DYNC2I1: variants seen among roughly 807,000 people sequenced by gnomAD.
DYNC2I1 encodes the protein dynein 2 intermediate chain 1.
Under a neutral mutation model 133.4 loss-of-function variants are expected in DYNC2I1, and 89 were observed. That is an observed-to-expected ratio of 0.67 (90% confidence interval 0.56 to 0.80). DYNC2I1 has a LOEUF of 0.80. Ranked by LOEUF, DYNC2I1 falls within the 30% of genes least tolerant of loss-of-function variation. The pLI is 0.00. For synonymous variants in DYNC2I1, 504 were observed against 484.3 expected (o/e 1.04, Z -0.54); for missense variants, 1,291 against 1,314.5 (o/e 0.98, Z 0.28).
chr7:158,940,897 A>G (rs796831699), intron 23 of DYNC2I1, among the ~76,000 whole-genome samples: 4 of 152,226 alleles, frequency 2.6e-5, no homozygotes, highest in African/African-American at 9.6e-5. Flanking sequence ...ACTTCAAATA[A>G]ACAATGTAAC....
At chr7:158,904,851 T>G (rs894255944) in intron 10 of DYNC2I1, 1 of 233,482 alleles carries the variant, frequency 4.3e-6, no homozygotes, top group Non-Finnish European at 8.5e-6. Flanking sequence ...CCACACCCTC[T>G]GCATTGCTGG....
At chr7:158,850,310 C>A in the DYNC2I1 span, among the ~76,000 whole-genome samples, 2 of 152,210 alleles carry the variant, frequency 1.3e-5, no homozygotes, top group Non-Finnish European at 2.9e-5. Flanking sequence ...AGTTGCACGT[C>A]CAGCTGCTGC....
intron 10 of DYNC2I1, chr7:158,904,760 C>A (rs1846589781): frequency 6.1e-6 from 1 of 163,362 alleles, no homozygotes; most frequent in East Asian, 1.8e-4. Flanking sequence ...GATGAGGTAA[C>A]CTCCCATGGT....
At chr7:158,856,465 G>C, upstream of DYNC2I1, 1 of 378,086 alleles carries the variant, frequency 2.6e-6, no homozygotes, top group Non-Finnish European at 4.7e-6. Context: ...GGCGCATTGG[G>C]AGGGGCCGCG....
intron 11 of DYNC2I1, among the ~76,000 whole-genome samples, chr7:158,910,751 G>C (rs1847358218): frequency 6.6e-6 from 1 of 151,604 alleles, no homozygotes; most frequent in Non-Finnish European, 1.5e-5. Flanking sequence ...GGCTGTGTCA[G>C]ACCTGTGGGT....
chr7:158,954,197 C>T (rs778977948), intron 4 of DYNC2I1, among the ~76,000 whole-genome samples: 13 of 152,142 alleles, frequency 8.5e-5, no homozygotes, highest in Non-Finnish European at 1.9e-4. Flanking sequence ...GAGGCCTCCC[C>T]AGCCATGTGG....
chr7:158,944,591 C>T (rs922350113), intron 24 of DYNC2I1, among the ~76,000 whole-genome samples: 3 of 152,158 alleles, frequency 2.0e-5, no homozygotes, highest in Non-Finnish European at 4.4e-5. Context: ...TGGGGTGTCA[C>T]GAGGCTTCAT....
intron 5 of DYNC2I1, among the ~76,000 whole-genome samples, chr7:158,882,920 A>G (rs1844191123): frequency 6.6e-6 from 1 of 151,826 alleles, no homozygotes; most frequent in Non-Finnish European, 1.5e-5. Flanking sequence ...TACACGATAC[A>G]ATATCAGGAA....
At chr7:158,946,742 C>A (rs1320274322), downstream of DYNC2I1, among the ~76,000 whole-genome samples, 3 of 152,256 alleles carry the variant, frequency 2.0e-5, no homozygotes, top group East Asian at 5.8e-4. Flanking sequence ...AGGAAAATCC[C>A]AGAATGTGTC....
At position 158,879,707 on chromosome 7, in the gene DYNC2I1, C is replaced by T; in HGVS notation, c.597C>T (p.Asp199=). ...AGCTGCAGTACGGAGACAGCAAGGA[C>T]AACCCTCTCAAGTACTGGCTTTATA... ...ERKLQYGDSK[D]NPLKYWLYKE... The change falls in exon 5 of 25, where the codon GAC becomes GAT. Residue 199 remains aspartate, a synonymous_variant. Coordinates refer to ENST00000407559, the MANE Select transcript of DYNC2I1 (RefSeq NM_018051.5). The T allele has an allele frequency of 6.3e-7, 1 of 1,590,128 alleles. No homozygotes were observed. Among genetic ancestry groups the T allele is most frequent in the African/African-American group, 1.4e-5 (1 of 72,712 alleles).
chr7:158,870,516 CTAATTTTT>C (rs11281702), intron 2 of DYNC2I1, among the ~76,000 whole-genome samples: 268 of 147,904 alleles, frequency 1.8e-3, no homozygotes, highest in African/African-American at 6.2e-3. Context: ...ACCAGGCTTG[CTAATTTTT>C]TAATTTTTTA....
At chr7:158,943,620 CGGGGACCGGAGGGTCTGAGCACA>C (rs1304232381) in intron 24 of DYNC2I1, among the ~76,000 whole-genome samples, 1 of 152,120 alleles carries the variant, frequency 6.6e-6, no homozygotes, top group Non-Finnish European at 1.5e-5. Context: ...GCTGCTGTGG[CGGGGACCGGAGGGTCTGAGCACA>C]GGAGCCCCAG....
At chr7:158,952,887 G>A (rs532596197) in intron 4 of DYNC2I1, among the ~76,000 whole-genome samples, 1 of 152,198 alleles carries the variant, frequency 6.6e-6, no homozygotes, top group South Asian at 2.1e-4. Context: ...CTCCCAGGGT[G>A]CGCCCCCTTG....
At chr7:158,953,858 C>T (rs922549334) in intron 4 of DYNC2I1, among the ~76,000 whole-genome samples, 6 of 151,344 alleles carry the variant, frequency 4.0e-5, no homozygotes, top group African/African-American at 1.5e-4. Context: ...TATATATATG[C>T]CTAAAAATTA....
chr7:158,895,171 T>A (rs1423283576), intron 8 of DYNC2I1, among the ~76,000 whole-genome samples: 1 of 152,220 alleles, frequency 6.6e-6, no homozygotes, highest in Non-Finnish European at 1.5e-5. Context: ...GCTTATCAAT[T>A]TTTTCTTTCA....
chr7:158,903,220 T>G (rs1846415022), intron 10 of DYNC2I1: 1 of 152,222 alleles, frequency 6.6e-6, no homozygotes, highest in Non-Finnish European at 1.5e-5. Flanking sequence ...ATTCTTTTTT[T>G]CCTACAAGGA....
upstream of DYNC2I1, among the ~76,000 whole-genome samples, chr7:158,855,699 C>T (rs773364028): frequency 1.3e-5 from 2 of 152,188 alleles, no homozygotes; most frequent in Non-Finnish European, 2.9e-5. Context: ...TTAAGTTACA[C>T]CTCTTTTACT....
chr7:158,911,557 A>C lies in DYNC2I1; in HGVS notation c.1468A>C (p.Ser490Arg). ...RTQALKQKMR[S>R]TKLLRLIDLD... ...TTCCAATTTATTTCAAAGGATGCGA[A>C]GTACAAAACTGCTTCGGCTCATTGA... Residue 490 changes from serine to arginine, a missense_variant, in exon 12 of 25, where the codon AGT (serine) becomes CGT (arginine). Coordinates refer to ENST00000407559, the MANE Select transcript of DYNC2I1 (RefSeq NM_018051.5). The C allele has an allele frequency of 6.2e-7, 1 of 1,612,698 alleles. No homozygotes were observed. Among genetic ancestry groups the C allele is most frequent in the Non-Finnish European group, 8.5e-7 (1 of 1,179,570 alleles).
At chr7:158,864,825 C>A (rs554503979) in intron 1 of DYNC2I1, among the ~76,000 whole-genome samples, 1 of 152,334 alleles carries the variant, frequency 6.6e-6, no homozygotes, top group Non-Finnish European at 1.5e-5. Flanking sequence ...TTCTTTTAAA[C>A]ATTTCTTAAT....
Sources: allele counts gnomAD v4.1 joint callset (sites outside exome capture counted in the v4.1 genomes callset), GRCh38; gene constraint gnomAD v4.1.1; transcripts MANE v1.5; gene names NCBI Gene and HGNC (gene_info 2026-07-23, HGNC 2026-07-21).